The following ASIC2 variants were observed in gnomAD, a reference collection of about 807,000 sequenced individuals.
ASIC2 encodes the protein acid-sensing ion channel 2.
ASIC2 carries 25 observed loss-of-function variants against 57.3 expected under a neutral mutation model. That is an observed-to-expected ratio of 0.44 (90% confidence interval 0.32 to 0.61). The LOEUF (loss-of-function observed/expected upper bound fraction) is 0.61. Among genes scored for constraint, ASIC2 ranks in the 20% least tolerant of loss-of-function variants. The pLI, the probability that ASIC2 is intolerant of heterozygous loss-of-function variation, is 0.06. For synonymous variants in ASIC2, 319 were observed against 307.5 expected, an observed-to-expected ratio of 1.04 and a Z score of -0.39; for missense variants, 641 against 738.1, an observed-to-expected ratio of 0.87 and a Z score of 1.52.
At chr17:33,333,927 A>G (rs1204762238) in intron 1 of ASIC2, among the ~76,000 whole-genome samples, 1 of 152,192 alleles carries the variant, frequency 6.6e-6, no homozygotes, top group Non-Finnish European at 1.5e-5. Flanking sequence ...TCCTTAAACA[A>G]AAAGCCAGTT....
At chr17:33,788,320 T>C (rs944426576) in intron 1 of ASIC2, among the ~76,000 whole-genome samples, 1 of 152,124 alleles carries the variant, frequency 6.6e-6, no homozygotes, top group Non-Finnish European at 1.5e-5. Flanking sequence ...ACATCACTCA[T>C]CATCAGAGAA....
At chr17:34,065,387 G>A (rs1378657471) in intron 1 of ASIC2, among the ~76,000 whole-genome samples, 2 of 152,138 alleles carry the variant, frequency 1.3e-5, no homozygotes, top group African/African-American at 2.4e-5. Context: ...AGGGATAAAA[G>A]ACTACAAATA....
intron 1 of ASIC2, among the ~76,000 whole-genome samples, chr17:33,880,839 A>C (rs1416442920): frequency 1.3e-5 from 2 of 152,368 alleles, no homozygotes; most frequent in African/African-American, 4.8e-5. Flanking sequence ...ATCCCTGATG[A>C]ACATCGATGC....
intron 3 of ASIC2, among the ~76,000 whole-genome samples, chr17:33,034,995 C>A (rs73984929): frequency 0.018 from 2,696 of 152,146 alleles, 76 homozygotes; most frequent in African/African-American, 0.061. Flanking sequence ...AAGTCATTGG[C>A]GTTCTATTCC....
intron 1 of ASIC2, among the ~76,000 whole-genome samples, chr17:33,752,335 C>T (rs1910460596): frequency 6.6e-6 from 1 of 152,058 alleles, no homozygotes; most frequent in Non-Finnish European, 1.5e-5. Context: ...CCTTTCTCTC[C>T]ACCTCAATCA....
intron 1 of ASIC2, among the ~76,000 whole-genome samples, chr17:33,426,384 G>T (rs1359002975): frequency 6.6e-6 from 1 of 152,202 alleles, no homozygotes; most frequent in Admixed American, 6.5e-5. Flanking sequence ...CTCTATAAGA[G>T]CCCTCTGTAC....
At chr17:33,237,624 G>T (rs146661229) in intron 1 of ASIC2, among the ~76,000 whole-genome samples, 317 of 152,236 alleles carry the variant, frequency 2.1e-3, no homozygotes, top group Non-Finnish European at 3.0e-3. Flanking sequence ...GAGCCACCGC[G>T]CCCGGCCTTA....
chr17:33,127,231 ACT>A (rs1316219594), intron 1 of ASIC2, among the ~76,000 whole-genome samples: 1 of 151,742 alleles, frequency 6.6e-6, no homozygotes, highest in African/African-American at 2.4e-5. Context: ...AGGCTAAACA[ACT>A]CTCTCAACGT....
rs140197849 is a variant in ASIC2 at position 34,012,973 on chromosome 17, G to A, written c.555+143005C>T. On this transcript the variant is annotated intron_variant, in intron 1 of 9. Coordinates refer to the ASIC2 transcript ENST00000359872. The stretch of plus-strand genomic sequence containing the variant: ...GTCCCCCACTTCCCCACCTGGCTCT[G>A]GAGGAGGCAGCCCCCCTGCTTTGAG... 1.5e-3 allele frequency among the ~76,000 whole-genome samples: 229 copies of A among 152,272 alleles called. 1 individual carries two copies. Among genetic ancestry groups the A allele is most frequent in the Non-Finnish European group, 2.7e-3 (187 of 68,018 alleles).
intron 1 of ASIC2, among the ~76,000 whole-genome samples, chr17:33,699,146 T>C (rs1416904186): frequency 2.6e-5 from 4 of 152,156 alleles, no homozygotes; most frequent in African/African-American, 9.7e-5. Flanking sequence ...AAGGACAAGC[T>C]CTGAGCCTGT....
intron 1 of ASIC2, among the ~76,000 whole-genome samples, chr17:33,174,193 G>A (rs1347414292): frequency 1.3e-5 from 2 of 152,152 alleles, no homozygotes; most frequent in Admixed American, 6.5e-5. Context: ...AGGCCAAGGC[G>A]AGTGGATTAC....
chr17:33,174,759 A>G (rs776673397), intron 1 of ASIC2, among the ~76,000 whole-genome samples: 2 of 152,222 alleles, frequency 1.3e-5, no homozygotes, highest in Non-Finnish European at 2.9e-5. Flanking sequence ...ATGGAAGCTC[A>G]TATGGAGATG....
At chr17:33,947,364 C>G (rs369052372) in intron 1 of ASIC2, among the ~76,000 whole-genome samples, 1 of 152,138 alleles carries the variant, frequency 6.6e-6, no homozygotes, top group Non-Finnish European at 1.5e-5. Flanking sequence ...TTAGTGGGAC[C>G]TCTACTTAGG....
chr17:33,680,088 G>A (rs1422189122), intron 1 of ASIC2, among the ~76,000 whole-genome samples: 1 of 152,116 alleles, frequency 6.6e-6, no homozygotes, highest in Non-Finnish European at 1.5e-5. Context: ...GGAGGCTGGT[G>A]GTGTACCCCC....
chr17:33,979,697 T>C (rs1236996737), intron 1 of ASIC2, among the ~76,000 whole-genome samples: 1 of 152,216 alleles, frequency 6.6e-6, no homozygotes, highest in Non-Finnish European at 1.5e-5. Context: ...TGAACCATGT[T>C]GGCCATTGTG....
intron 3 of ASIC2, among the ~76,000 whole-genome samples, chr17:33,034,513 T>TAAAC (rs1410521493): frequency 6.6e-6 from 1 of 152,038 alleles, no homozygotes; most frequent in Non-Finnish European, 1.5e-5. Flanking sequence ...AACAAACAAA[T>TAAAC]AAACAAACAC....
intron 1 of ASIC2, among the ~76,000 whole-genome samples, chr17:33,797,012 A>ATGC (rs560369956): frequency 2.2e-4 from 34 of 152,178 alleles, no homozygotes; most frequent in Non-Finnish European, 4.4e-4. Context: ...CAAAGTGGAA[A>ATGC]TGCTGACATG....
chr17:33,043,862 T>G (rs1303187595), intron 3 of ASIC2, among the ~76,000 whole-genome samples: 1 of 152,150 alleles, frequency 6.6e-6, no homozygotes, highest in Non-Finnish European at 1.5e-5. Flanking sequence ...ACACAGCTGA[T>G]TGTTGTGCTG....
At chr17:34,052,159 A>C (rs576092371) in intron 1 of ASIC2, among the ~76,000 whole-genome samples, 1 of 152,256 alleles carries the variant, frequency 6.6e-6, no homozygotes, top group South Asian at 2.1e-4. Flanking sequence ...ACTGTGTGAA[A>C]GCTCAGCCTC....
Sources: allele counts gnomAD v4.1 joint callset (sites outside exome capture counted in the v4.1 genomes callset), GRCh38; gene constraint gnomAD v4.1.1; transcripts MANE v1.5; gene names NCBI Gene and HGNC (gene_info 2026-07-23, HGNC 2026-07-21).